KCNIP1: variants seen among roughly 807,000 people sequenced by gnomAD.
KCNIP1 encodes A-type potassium channel modulatory protein KCNIP1.
In KCNIP1, 18 loss-of-function variants were observed where a neutral mutation model predicts 33.0. That is an observed-to-expected ratio of 0.55 (90% CI 0.38 to 0.81). KCNIP1 has a LOEUF of 0.81. Ranked by LOEUF, KCNIP1 falls within the 30% of genes least tolerant of loss-of-function variation. The probability of loss-of-function intolerance (pLI) is 0.00; values close to 1 mark genes in which losing one functional copy is unlikely to be tolerated. For missense variants in KCNIP1, 238 were observed against 271.6 expected (o/e 0.88, Z 0.87); for synonymous variants, 93 against 98.3 (o/e 0.95, Z 0.32).
intron 1 of KCNIP1, among the ~76,000 whole-genome samples, chr5:170,454,475 T>C (rs1756328425): frequency 1.3e-5 from 2 of 152,328 alleles, no homozygotes; most frequent in African/African-American, 4.8e-5. Flanking sequence ...AATGTTTGCA[T>C]CCTGCCAGAG....
chr5:170,442,853 A>G (rs1756025667), intron 1 of KCNIP1, among the ~76,000 whole-genome samples: 1 of 152,210 alleles, frequency 6.6e-6, no homozygotes, highest in Non-Finnish European at 1.5e-5. Context: ...TGATGTGGTT[A>G]TGCATCAGGG....
intron 1 of KCNIP1, among the ~76,000 whole-genome samples, chr5:170,360,746 G>A (rs1286574952): frequency 6.6e-6 from 1 of 152,230 alleles, no homozygotes; most frequent in African/African-American, 2.4e-5. Context: ...CCATTCTCAT[G>A]AGAATGGGAG....
intron 1 of KCNIP1, among the ~76,000 whole-genome samples, chr5:170,505,307 A>G (rs1452031350): frequency 6.6e-6 from 1 of 152,178 alleles, no homozygotes; most frequent in African/African-American, 2.4e-5. Flanking sequence ...CAGCCGAGGC[A>G]TGGCTGATCT....
chr5:170,462,075 A>G (rs1216651664), intron 1 of KCNIP1, among the ~76,000 whole-genome samples: 1 of 152,110 alleles, frequency 6.6e-6, no homozygotes, highest in African/African-American at 2.4e-5. Flanking sequence ...ATAACCAAGA[A>G]CCAAAAGCAA....
chr5:170,661,832 G>T (rs150196256), intron 1 of KCNIP1, among the ~76,000 whole-genome samples: 3 of 152,170 alleles, frequency 2.0e-5, no homozygotes, highest in Non-Finnish European at 4.4e-5. Context: ...ATTGCAACAG[G>T]AATCAGACGC....
intron 1 of KCNIP1, among the ~76,000 whole-genome samples, chr5:170,588,361 C>G (rs1321557374): frequency 6.6e-6 from 1 of 152,204 alleles, no homozygotes; most frequent in Non-Finnish European, 1.5e-5. Context: ...AGGGCCAGTG[C>G]TCTTTATCTC....
rs1173807791 is a variant in KCNIP1, at chr5:170,470,593, G to A, written c.88+116629G>A. ...ATCAGAACTCCCTGATGGCTTACAG[G>A]TAAGGGTTTTTAAAGGTAGAGGGGG... On this transcript the variant is annotated intron_variant, in intron 1 of 7. Coordinates refer to the KCNIP1 transcript ENST00000377360. 2.0e-5 allele frequency among the ~76,000 whole-genome samples: 3 copies of A among 152,210 alleles called. No individual in the cohort carries two copies. The East Asian group carries it at 5.8e-4, about 29-fold the overall frequency.
At chr5:170,457,734 CA>C (rs1419846956) in intron 1 of KCNIP1, among the ~76,000 whole-genome samples, 6 of 152,142 alleles carry the variant, frequency 3.9e-5, no homozygotes, top group Admixed American at 2.0e-4. Flanking sequence ...AGACACTACA[CA>C]AATGAGGAGG....
intron 1 of KCNIP1, chr5:170,383,727 C>T (rs755199088): frequency 8.2e-5 from 132 of 1,614,082 alleles, no homozygotes; most frequent in Non-Finnish European, 1.1e-4. Flanking sequence ...GCACAGCCCA[C>T]CTGCCGGCAG....
intron 1 of KCNIP1, among the ~76,000 whole-genome samples, chr5:170,599,689 G>T (rs66499509): frequency 1.0e-4 from 9 of 89,110 alleles, no homozygotes; most frequent in Non-Finnish European, 1.3e-4. Context: ...GGGGAAGAGC[G>T]AGAAGTCAGA....
intron 1 of KCNIP1, among the ~76,000 whole-genome samples, chr5:170,369,348 T>G (rs993952938): frequency 2.0e-5 from 3 of 152,246 alleles, no homozygotes; most frequent in Non-Finnish European, 4.4e-5. Context: ...CCCTTGATCA[T>G]GAACTGTTAG....
At chr5:170,404,297 A>G (rs1050902789) in intron 1 of KCNIP1, among the ~76,000 whole-genome samples, 9 of 152,112 alleles carry the variant, frequency 5.9e-5, no homozygotes, top group African/African-American at 2.2e-4. Flanking sequence ...GTGCATTTAT[A>G]AATTTTTTTC....
chr5:170,626,251 C>T (rs537606078), intron 1 of KCNIP1, among the ~76,000 whole-genome samples: 2 of 152,334 alleles, frequency 1.3e-5, no homozygotes, highest in East Asian at 3.9e-4. Context: ...GTAGGAGCAT[C>T]TGCACCCAGC....
At chr5:170,508,562 G>A (rs553658105) in intron 1 of KCNIP1, among the ~76,000 whole-genome samples, 3 of 152,356 alleles carry the variant, frequency 2.0e-5, no homozygotes, top group Admixed American at 6.5e-5. Context: ...CAAGGGGCAG[G>A]CCTTTGGCAA....
At chr5:170,618,545 A>AGGAGGGAGGGAGGGAGGGAGGAGGGAG (rs1759485338) in intron 1 of KCNIP1, among the ~76,000 whole-genome samples, 2 of 46,070 alleles carry the variant, frequency 4.3e-5, no homozygotes, top group Non-Finnish European at 7.8e-5. Flanking sequence ...GAAAGGAGGG[A>AGGAGGGAGGGAGGGAGGGAGGAGGGAG]GGAGGGAGGG....
chr5:170,651,175 C>A (rs954222855), intron 1 of KCNIP1, among the ~76,000 whole-genome samples: 1 of 152,140 alleles, frequency 6.6e-6, no homozygotes, highest in African/African-American at 2.4e-5. Flanking sequence ...ATTGGAAGAA[C>A]CTTCTAACAG....
At chr5:170,658,492 A>C (rs778613901) in intron 1 of KCNIP1, among the ~76,000 whole-genome samples, 3 of 152,208 alleles carry the variant, frequency 2.0e-5, no homozygotes, top group Non-Finnish European at 2.9e-5. Flanking sequence ...TTGAGTTTCA[A>C]CATGAGTTTT....
intron 1 of KCNIP1, among the ~76,000 whole-genome samples, chr5:170,382,104 C>A (rs938203856): frequency 1.3e-5 from 2 of 152,206 alleles, no homozygotes; most frequent in Admixed American, 6.5e-5. Flanking sequence ...CTGCAGGCCA[C>A]ATCTTGGTCG....
At chr5:170,633,326 A>G (rs1024586979) in intron 1 of KCNIP1, among the ~76,000 whole-genome samples, 3 of 152,026 alleles carry the variant, frequency 2.0e-5, no homozygotes, top group Non-Finnish European at 4.4e-5. Flanking sequence ...GAAGATGAGG[A>G]AAATGAGCAG....
Sources: gnomAD v4.1 joint callset for allele counts (sites outside exome capture counted in the v4.1 genomes callset) on GRCh38, gnomAD v4.1.1 for gene constraint, MANE v1.5 for transcripts, NCBI Gene and HGNC (gene_info 2026-07-23, HGNC 2026-07-21) for gene names.